The following KDM7A variants were observed in gnomAD, a reference collection of about 807,000 sequenced individuals.
KDM7A encodes the protein lysine-specific demethylase 7A.
In KDM7A, 28 loss-of-function variants were observed where a neutral mutation model predicts 114.8. The ratio of observed to expected loss-of-function variants is 0.24; its 90% CI spans 0.18 to 0.33. The LOEUF is 0.33. KDM7A is among the 10% of genes least tolerant of loss of function. KDM7A has a pLI of 1.00. For synonymous variants in KDM7A, 423 were observed against 397.8 expected (o/e 1.06, Z -0.75); for missense variants, 942 against 1,142.5 (o/e 0.82, Z 2.53).
chr7:140,151,652 T>C (rs1377230838), intron 1 of KDM7A, among the ~76,000 whole-genome samples: 1 of 152,216 alleles, frequency 6.6e-6, no homozygotes, highest in Non-Finnish European at 1.5e-5. Context: ...GGAAAAAAGG[T>C]CTTCATTCAT....
In KDM7A at chr7:140,158,459, G is replaced by A. The variant is rs185892843; in HGVS notation, c.194+18285C>T. Among the ~76,000 whole-genome samples the A allele has an allele frequency of 2.1e-3, 323 of 152,248 alleles. 2 individuals carry two copies. Among genetic ancestry groups the A allele is most frequent in the African/African-American group, 7.3e-3 (304 of 41,528 alleles). On this transcript the variant is annotated intron_variant, in intron 1 of 19. Transcript: ENST00000397560. Reference sequence around the variant, plus strand: ...CTAAAGATTCTGCCCTGAACAACACGAAGGACTGCCATTAAATGAAATGAA... The same window carrying A: ...CTAAAGATTCTGCCCTGAACAACACAAAGGACTGCCATTAAATGAAATGAA...
intron 1 of KDM7A, among the ~76,000 whole-genome samples, chr7:140,166,561 C>G (rs958244928): frequency 6.6e-6 from 1 of 152,038 alleles, no homozygotes; most frequent in Non-Finnish European, 1.5e-5. Context: ...TAGTCTCAAA[C>G]TCCTGGACTC....
chr7:140,130,574 T>A (rs1026127388), intron 3 of KDM7A, among the ~76,000 whole-genome samples: 1 of 148,778 alleles, frequency 6.7e-6, no homozygotes, highest in African/African-American at 2.5e-5. Context: ...TGAGCCGAGA[T>A]CTCACCATTG....
Position 140,088,421 on chromosome 7 carries a change from A to G in KDM7A, c.*2673T>C, listed in dbSNP as rs1027640594. 5.0e-6 allele frequency: 2 copies of G among 397,908 alleles called. No homozygotes were observed. The highest frequency in any genetic ancestry group is 8.9e-6 in the Non-Finnish European group (2 of 225,618). 24.6% of individuals were successfully genotyped at this position (397,908 alleles called of 1,614,324 possible). A position where few individuals can be genotyped will look rare whatever the true frequency, so the allele number is the denominator to read the frequency against. On this transcript the variant is annotated 3_prime_UTR_variant, in exon 20 of 20. Transcript: ENST00000397560. ...TGTTAATCATAATTCTCAATTTTAC[A>G]TATTTGTATTTGGTTACAACTAGCT...
chr7:140,100,689 C>CACATATATATATATAT, intron 12 of KDM7A, among the ~76,000 whole-genome samples: 1 of 54,000 alleles, frequency 1.9e-5, no homozygotes, highest in South Asian at 6.0e-4. Flanking sequence ...TACATATATA[C>CACATATATATATATAT]ATATATATAT....
chr7:140,100,735 TATATATACATATATA>T (rs1562946150), intron 12 of KDM7A, among the ~76,000 whole-genome samples: 30 of 51,670 alleles, frequency 5.8e-4, no homozygotes, highest in African/African-American at 2.0e-3. Flanking sequence ...TATATATATA[TATATATACATATATA>T]TTTTTTTGTT....
intron 1 of KDM7A, among the ~76,000 whole-genome samples, chr7:140,164,277 G>A (rs919726393): frequency 2.0e-5 from 3 of 152,164 alleles, no homozygotes; most frequent in African/African-American, 7.2e-5. Context: ...CGGGGGGAGG[G>A]TTAAAGACCT....
chr7:140,095,480 A>G (rs62491378), intron 17 of KDM7A: 9,615 of 156,392 alleles, frequency 0.061, 370 homozygotes, highest in Non-Finnish European at 0.09. Flanking sequence ...ATACCACTGA[A>G]TAATAGTTAC....
intron 1 of KDM7A, among the ~76,000 whole-genome samples, chr7:140,149,487 A>G (rs535539376): frequency 3.3e-5 from 5 of 152,308 alleles, no homozygotes; most frequent in African/African-American, 1.2e-4. Context: ...GGTGCTTTAC[A>G]TTTCTGAAAT....
At chr7:140,147,435 G>A (rs768214364) in intron 1 of KDM7A, among the ~76,000 whole-genome samples, 1 of 152,144 alleles carries the variant, frequency 6.6e-6, no homozygotes, top group Non-Finnish European at 1.5e-5. Flanking sequence ...AACATGTAAA[G>A]TACAACTTTC....
chr7:140,159,391 G>A (rs1557938), intron 1 of KDM7A, among the ~76,000 whole-genome samples: 63,164 of 147,796 alleles, frequency 0.43, 13,392 homozygotes, highest in Middle Eastern at 0.48. Context: ...GGATATATGC[G>A]TACAATTGGC....
chr7:140,095,280 G>C (rs994742504), intron 17 of KDM7A, among the ~76,000 whole-genome samples: 3 of 152,190 alleles, frequency 2.0e-5, no homozygotes, highest in African/African-American at 7.2e-5. Flanking sequence ...TTCCATAGAA[G>C]TGTTCTCTTT....
chr7:140,156,871 T>C (rs1003531579), intron 1 of KDM7A, among the ~76,000 whole-genome samples: 6 of 152,194 alleles, frequency 3.9e-5, no homozygotes, highest in Non-Finnish European at 7.3e-5. Context: ...CTGCTGCATA[T>C]GTACAAGCCT....
chr7:140,104,248 C>A (rs1411881770), intron 11 of KDM7A, among the ~76,000 whole-genome samples: 1 of 152,110 alleles, frequency 6.6e-6, no homozygotes, highest in East Asian at 1.9e-4. Context: ...AAATTTTCTC[C>A]CATTGTGTAG....
intron 9 of KDM7A, among the ~76,000 whole-genome samples, chr7:140,116,444 A>T (rs1818530952): frequency 2.0e-5 from 3 of 152,254 alleles, no homozygotes; most frequent in Admixed American, 6.5e-5. Flanking sequence ...AAATTATTTT[A>T]GTTTATAACA....
intron 1 of KDM7A, among the ~76,000 whole-genome samples, chr7:140,150,622 T>C (rs547358022): frequency 2.0e-5 from 3 of 152,178 alleles, no homozygotes; most frequent in Non-Finnish European, 4.4e-5. Flanking sequence ...ATGTAAGAAA[T>C]TGGTAACAGC....
chr7:140,166,724 G>C (rs1215764561), intron 1 of KDM7A, among the ~76,000 whole-genome samples: 1 of 151,932 alleles, frequency 6.6e-6, no homozygotes, highest in Non-Finnish European at 1.5e-5. Flanking sequence ...CTAAAATCAG[G>C]AACAAAGCAA....
intron 1 of KDM7A, among the ~76,000 whole-genome samples, chr7:140,175,493 G>A (rs919533488): frequency 4.6e-5 from 7 of 152,138 alleles, no homozygotes; most frequent in African/African-American, 7.2e-5. Context: ...ACCAAACGGG[G>A]CCCGGGAAAC....
intron 11 of KDM7A, among the ~76,000 whole-genome samples, chr7:140,104,681 T>C (rs924465676): frequency 1.3e-5 from 2 of 152,204 alleles, no homozygotes; most frequent in African/African-American, 4.8e-5. Context: ...TACCATGCTG[T>C]TTTGGTTACT....
Sources: gnomAD v4.1 joint callset for allele counts (sites outside exome capture counted in the v4.1 genomes callset) on GRCh38, gnomAD v4.1.1 for gene constraint, MANE v1.5 for transcripts, NCBI Gene and HGNC (gene_info 2026-07-23, HGNC 2026-07-21) for gene names.